The following SUPT3H variants were observed in gnomAD, a reference collection of about 807,000 sequenced individuals.
SUPT3H encodes transcription initiation protein SPT3 homolog.
A neutral mutation model predicts 44.3 loss-of-function variants in SUPT3H; 44 were observed. The observed-to-expected ratio is 0.99, with a 90% CI of 0.78 to 1.28. The LOEUF (loss-of-function observed/expected upper bound fraction) is 1.28, where lower values mean the gene tolerates loss of function less well. Among genes scored for constraint, SUPT3H ranks in the 50% most tolerant of loss-of-function variants. The pLI is 0.00. For missense variants in SUPT3H, 380 were observed against 387.1 expected, an observed-to-expected ratio of 0.98 and a Z score of 0.15; for synonymous variants, 124 against 125.6, an observed-to-expected ratio of 0.99 and a Z score of 0.09.
intron 3 of SUPT3H, among the ~76,000 whole-genome samples, chr6:45,048,526 C>T (rs577116046): frequency 1.3e-5 from 2 of 152,158 alleles, no homozygotes; most frequent in South Asian, 2.1e-4. Context: ...CCATATGATC[C>T]ATCAATCTCA....
intron 9 of SUPT3H, among the ~76,000 whole-genome samples, chr6:44,934,654 A>ACC (rs1396788948): frequency 6.6e-6 from 1 of 152,176 alleles, no homozygotes; most frequent in East Asian, 1.9e-4. Flanking sequence ...TTTTAAAGAG[A>ACC]CCAGGGAAAG....
chr6:45,155,636 C>G (rs1807694368), intron 2 of SUPT3H, among the ~76,000 whole-genome samples: 1 of 152,072 alleles, frequency 6.6e-6, no homozygotes, highest in Non-Finnish European at 1.5e-5. Flanking sequence ...CAAAGATAAG[C>G]AAAAGCAGCT....
chr6:45,364,397 G>A (rs1185372722), intron 2 of SUPT3H, among the ~76,000 whole-genome samples: 1 of 152,130 alleles, frequency 6.6e-6, no homozygotes, highest in Admixed American at 6.6e-5. Context: ...ACAAGAGGAA[G>A]ACACTTAAAC....
At chr6:45,062,638 G>C (rs911531523) in intron 3 of SUPT3H, among the ~76,000 whole-genome samples, 1 of 152,232 alleles carries the variant, frequency 6.6e-6, no homozygotes, top group Non-Finnish European at 1.5e-5. Context: ...GCGAGGCATT[G>C]CCTCACCTGG....
intron 2 of SUPT3H, among the ~76,000 whole-genome samples, chr6:45,114,350 A>G (rs1034557095): frequency 1.4e-5 from 2 of 138,540 alleles, no homozygotes; most frequent in Non-Finnish European, 3.1e-5. Flanking sequence ...CTAAATAAAT[A>G]ATTTGTATGT....
At chr6:44,831,583 T>C (rs1768754751) in intron 10 of SUPT3H, among the ~76,000 whole-genome samples, 1 of 152,174 alleles carries the variant, frequency 6.6e-6, no homozygotes, top group Non-Finnish European at 1.5e-5. Flanking sequence ...TATTTTAAAT[T>C]TTATAACCAC....
chr6:44,887,912 G>T (rs567773249), intron 10 of SUPT3H, among the ~76,000 whole-genome samples: 6 of 151,380 alleles, frequency 4.0e-5, no homozygotes, highest in African/African-American at 1.2e-4. Flanking sequence ...ACCAAATAGA[G>T]GCAATAAAAA....
At chr6:45,114,872 A>G (rs2153576283) in intron 2 of SUPT3H, among the ~76,000 whole-genome samples, 1 of 152,310 alleles carries the variant, frequency 6.6e-6, no homozygotes, top group East Asian at 1.9e-4. Flanking sequence ...GAAAAATGAA[A>G]GCCCAAGAGG....
chr6:45,025,671 C>T (rs1785864557), intron 3 of SUPT3H, among the ~76,000 whole-genome samples: 1 of 152,074 alleles, frequency 6.6e-6, no homozygotes, highest in Non-Finnish European at 1.5e-5. Context: ...ATCATGAGGT[C>T]AGGAGATTGA....
At chr6:44,900,638 C>T (rs1158146219) in intron 10 of SUPT3H, among the ~76,000 whole-genome samples, 1 of 152,218 alleles carries the variant, frequency 6.6e-6, no homozygotes, top group African/African-American at 2.4e-5. Flanking sequence ...CCTCTGCAGA[C>T]TTAAATGCCC....
chr6:45,246,835 G>A (rs1051847622), intron 2 of SUPT3H, among the ~76,000 whole-genome samples: 18 of 152,112 alleles, frequency 1.2e-4, no homozygotes, highest in Non-Finnish European at 4.4e-5. Context: ...ACCTAATGCA[G>A]TGCTAAGAGG....
At chr6:44,864,198 G>C (rs552793100) in intron 10 of SUPT3H, among the ~76,000 whole-genome samples, 1 of 152,188 alleles carries the variant, frequency 6.6e-6, no homozygotes, top group Non-Finnish European at 1.5e-5. Flanking sequence ...TTCCGCCTAT[G>C]AGCCTGTAAA....
chr6:45,324,914 A>T (rs1402587304), intron 2 of SUPT3H, among the ~76,000 whole-genome samples: 9 of 151,938 alleles, frequency 5.9e-5, no homozygotes, highest in African/African-American at 1.7e-4. Flanking sequence ...TAAACAAGGA[A>T]ATGGAATACT....
At chr6:45,223,291 T>C (rs1386041064) in intron 2 of SUPT3H, among the ~76,000 whole-genome samples, 1 of 152,086 alleles carries the variant, frequency 6.6e-6, no homozygotes, top group African/African-American at 2.4e-5. Context: ...CCTCTTACCA[T>C]TGGGGGTAAC....
chr6:45,348,900 T>C (rs1274050533), intron 2 of SUPT3H, among the ~76,000 whole-genome samples: 1 of 152,152 alleles, frequency 6.6e-6, no homozygotes, highest in African/African-American at 2.4e-5. Context: ...TCTCATAGTA[T>C]CCTGTACATT....
chr6:44,970,824 T>C (rs1777470895), intron 6 of SUPT3H, among the ~76,000 whole-genome samples: 1 of 152,196 alleles, frequency 6.6e-6, no homozygotes, highest in African/African-American at 2.4e-5. Flanking sequence ...ATTCATAAAA[T>C]TTAGTTCATA....
chr6:44,933,415 G>T (rs1431651494), intron 9 of SUPT3H, among the ~76,000 whole-genome samples: 1 of 152,094 alleles, frequency 6.6e-6, no homozygotes. Context: ...ACAAACTTAA[G>T]AAATTATAGA....
At chr6:45,343,146 A>G (rs1187392624) in intron 2 of SUPT3H, among the ~76,000 whole-genome samples, 2 of 152,218 alleles carry the variant, frequency 1.3e-5, no homozygotes, top group Non-Finnish European at 2.9e-5. Context: ...AATCATCTTA[A>G]GTCTAAACTC....
chr6:45,091,169 GGTT>G (rs1797077719), intron 3 of SUPT3H, among the ~76,000 whole-genome samples: 1 of 151,398 alleles, frequency 6.6e-6, no homozygotes, highest in Non-Finnish European at 1.5e-5. Flanking sequence ...ATGTTTTGTT[GGTT>G]ATTAAAACTA....
Sources: allele counts gnomAD v4.1 joint callset (sites outside exome capture counted in the v4.1 genomes callset), GRCh38; gene constraint gnomAD v4.1.1; transcripts MANE v1.5; gene names NCBI Gene and HGNC (gene_info 2026-07-23, HGNC 2026-07-21).